HHAT: variants seen among roughly 807,000 people sequenced by gnomAD.
The protein encoded by HHAT is protein-cysteine N-palmitoyltransferase HHAT.
In HHAT, 47 loss-of-function variants were observed where a neutral mutation model predicts 70.8. That is an observed-to-expected ratio of 0.66 (90% CI 0.53 to 0.85). The LOEUF (loss-of-function observed/expected upper bound fraction) is 0.85. Ranked by LOEUF, HHAT falls within the 40% of genes least tolerant of loss-of-function variation. The pLI is 0.00. For missense variants in HHAT, 609 were observed against 604.8 expected (o/e 1.01, Z -0.07); for synonymous variants, 228 against 247.6 (o/e 0.92, Z 0.74).
At chr1:210,373,650 C>T (rs1038946808) in intron 3 of HHAT, among the ~76,000 whole-genome samples, 28 of 152,182 alleles carry the variant, frequency 1.8e-4, no homozygotes, top group African/African-American at 6.5e-4. Context: ...TTCTATCTGG[C>T]ATGTGTACGT....
At chr1:210,519,479 A>G (rs1289600940) in intron 9 of HHAT, among the ~76,000 whole-genome samples, 1 of 150,870 alleles carries the variant, frequency 6.6e-6, no homozygotes, top group Non-Finnish European at 1.5e-5. Context: ...ACAGTGTGCA[A>G]TGTAAAGAGT....
intron 1 of HHAT, chr1:210,329,344 C>G (rs1458241751): frequency 8.3e-7 from 1 of 1,202,492 alleles, no homozygotes; most frequent in Non-Finnish European, 1.0e-6. Context: ...GGGACAAGTC[C>G]GCGCACGGCC....
chr1:210,521,959 A>C (rs12760245), intron 9 of HHAT, among the ~76,000 whole-genome samples: 1 of 152,228 alleles, frequency 6.6e-6, no homozygotes, highest in East Asian at 1.9e-4. Flanking sequence ...TTCTCTGTCC[A>C]CCAGGAAAGA....
intron 8 of HHAT, among the ~76,000 whole-genome samples, chr1:210,502,884 A>AT (rs543885017): frequency 1.3e-4 from 19 of 149,746 alleles, no homozygotes; most frequent in Admixed American, 6.7e-4. Flanking sequence ...ATCAGCCTCA[A>AT]TTTTTTTTTT....
At position 210,465,095 on chromosome 1, in the gene HHAT, T is replaced by A. The variant is rs117866908; in HGVS notation, c.1007+440T>A. 4.6e-5 allele frequency among the ~76,000 whole-genome samples: 7 copies of A among 152,340 alleles called. No individual in the cohort carries two copies. The East Asian group carries it at 9.6e-4, about 21-fold the overall frequency. On this transcript the variant is annotated intron_variant, in intron 8 of 11. Coordinates refer to ENST00000261458, the MANE Select transcript of HHAT (RefSeq NM_018194.6). ...CTAAATCTAAGTTTCATTTTTCTTA[T>A]CTCTTAAACAGTAGTAAAGATAATC...
intron 8 of HHAT, among the ~76,000 whole-genome samples, chr1:210,505,557 T>C (rs1424375443): frequency 6.9e-6 from 1 of 145,410 alleles, no homozygotes; most frequent in Non-Finnish European, 1.6e-5. Flanking sequence ...TTGGGTTAGG[T>C]AGGCCAGCTG....
At chr1:210,507,320 A>G (rs2094874313) in intron 8 of HHAT, among the ~76,000 whole-genome samples, 2 of 147,810 alleles carry the variant, frequency 1.4e-5, no homozygotes, top group African/African-American at 5.0e-5. Flanking sequence ...TGCTTTTTCC[A>G]TCTGTATACA....
intron 2 of HHAT, among the ~76,000 whole-genome samples, chr1:210,360,678 G>A (rs2088192762): frequency 6.6e-6 from 1 of 152,084 alleles, no homozygotes; most frequent in African/African-American, 2.4e-5. Context: ...TGGATAGGGA[G>A]CATTTGAAAT....
chr1:210,531,504 C>T (rs1042742053), intron 9 of HHAT, among the ~76,000 whole-genome samples: 2 of 152,178 alleles, frequency 1.3e-5, no homozygotes, highest in African/African-American at 4.8e-5. Flanking sequence ...AATAGCTTAA[C>T]AGTTAGAAGT....
intron 1 of HHAT, among the ~76,000 whole-genome samples, chr1:210,341,869 T>A (rs2086069527): frequency 6.6e-6 from 1 of 152,158 alleles, no homozygotes; most frequent in Non-Finnish European, 1.5e-5. Flanking sequence ...AAGCTCCCTA[T>A]TCCTCCAGTC....
chr1:210,652,085 T>C (rs1227634495), intron 11 of HHAT, among the ~76,000 whole-genome samples: 1 of 152,174 alleles, frequency 6.6e-6, no homozygotes, highest in African/African-American at 2.4e-5. Flanking sequence ...TATCATGACA[T>C]TTCCAAGAGA....
intron 11 of HHAT, among the ~76,000 whole-genome samples, chr1:210,673,709 G>A (rs1680569333): frequency 6.6e-6 from 1 of 150,634 alleles, no homozygotes; most frequent in Non-Finnish European, 1.5e-5. Flanking sequence ...CTTCCTCCTT[G>A]GCCTCTCAAG....
chr1:210,348,729 A>ATGTGTGCG (rs2086737987), intron 1 of HHAT, among the ~76,000 whole-genome samples: 1 of 72,264 alleles, frequency 1.4e-5, no homozygotes, highest in South Asian at 4.9e-4. Context: ...TGTGTGGTGT[A>ATGTGTGCG]TGTGTGCGTG....
chr1:210,457,949 A>C (rs1392890553), intron 7 of HHAT, among the ~76,000 whole-genome samples: 4 of 152,214 alleles, frequency 2.6e-5, no homozygotes, highest in Non-Finnish European at 4.4e-5. Context: ...CAGCAAGTAC[A>C]AAAAGACCTG....
intron 1 of HHAT, 151 bp downstream of exon 1, chr1:210,329,255 T>G: frequency 5.9e-6 from 7 of 1,195,346 alleles, no homozygotes; most frequent in East Asian, 6.9e-5. Flanking sequence ...CAGAGGAAGT[T>G]CCCGGTCGGG....
rs779804686 is a variant in HHAT, at chr1:210,588,039, A to G, written c.1185A>G (p.Gly395=). ...GCTGGGCAGCGCTCAACTGGCTGGG[A>G]GTCACTGTGGAGAATGGAGTCCGGA... The part of the protein sequence containing the change: ...LWCWAALNWL[G]VTVENGVRRL... The change falls in exon 10 of 12, where the codon GGA becomes GGG. Residue 395 remains glycine (G), a synonymous_variant. Coordinates refer to ENST00000261458, the MANE Select transcript of HHAT (RefSeq NM_018194.6). 6.2e-7 allele frequency: 1 copy of G among 1,613,824 alleles called. No homozygotes were observed. Among genetic ancestry groups the G allele is most frequent in the Non-Finnish European group, 8.5e-7 (1 of 1,179,942 alleles).
chr1:210,483,085 G>A (rs116431042), intron 8 of HHAT, among the ~76,000 whole-genome samples: 235 of 152,252 alleles, frequency 1.5e-3, no homozygotes, highest in Non-Finnish European at 3.0e-3. Context: ...TGCACTTCTT[G>A]TAGATTTACC....
chr1:210,601,897 A>G (rs955647965), intron 10 of HHAT, among the ~76,000 whole-genome samples: 1 of 150,914 alleles, frequency 6.6e-6, no homozygotes, highest in Non-Finnish European at 1.5e-5. Flanking sequence ...ATTTGGGACC[A>G]TATAGATGAT....
At position 210,358,417 on chromosome 1, in the gene HHAT, C is replaced by T. The variant is rs1020585662; in HGVS notation, c.92-4435C>T. 1.7e-4 allele frequency among the ~76,000 whole-genome samples: 26 copies of T among 152,248 alleles called. 1 individual carries two copies. In the South Asian group the frequency reaches 2.3e-3, roughly 13 times the overall value. On this transcript the variant is annotated intron_variant, in intron 2 of 11. Coordinates refer to ENST00000261458, the MANE Select transcript of HHAT (RefSeq NM_018194.6). ...CATTGACATATCTGATTTGCTTTTCCTTGGGTTATTTCTAAATCACTTTTT... is the reference window on the plus strand; with the variant it reads ...CATTGACATATCTGATTTGCTTTTCTTTGGGTTATTTCTAAATCACTTTTT...
Sources: gnomAD v4.1 joint callset for allele counts (sites outside exome capture counted in the v4.1 genomes callset) on GRCh38, gnomAD v4.1.1 for gene constraint, MANE v1.5 for transcripts, NCBI Gene and HGNC (gene_info 2026-07-23, HGNC 2026-07-21) for gene names.